KCNQ3: variants seen among roughly 807,000 people sequenced by gnomAD.
KCNQ3 encodes potassium voltage-gated channel subfamily Q member 3.
A neutral mutation model predicts 92.5 loss-of-function variants in KCNQ3; 30 were observed. The ratio of observed to expected loss-of-function variants is 0.32; its 90% CI spans 0.24 to 0.44. The LOEUF (loss-of-function observed/expected upper bound fraction) is 0.44, where lower values mean the gene tolerates loss of function less well. Among genes scored for constraint, KCNQ3 ranks in the 20% least tolerant of loss-of-function variants. KCNQ3 has a pLI of 1.00. For missense variants in KCNQ3, 913 were observed against 1,140.3 expected (o/e 0.80, Z 2.87); for synonymous variants, 450 against 468.8 (o/e 0.96, Z 0.52).
At chr8:132,132,113 A>T in intron 14 of KCNQ3, 67 bp downstream of exon 14, 1 of 1,109,196 alleles carries the variant, frequency 9.0e-7, no homozygotes, top group Non-Finnish European at 1.4e-6. Flanking sequence ...AGAAAGAAAA[A>T]AAAGAAATGG....
At chr8:132,130,084 G>GTT (rs368892862) in intron 14 of KCNQ3, 88 bp from the exon 15 acceptor site, 60,942 of 1,118,124 alleles carry the variant, frequency 0.055, 77 homozygotes, top group Admixed American at 0.089. Context: ...CTTTTTTTTT[G>GTT]TTTTTTTTTT....
intron 9 of KCNQ3, among the ~76,000 whole-genome samples, chr8:132,144,790 T>C (rs890371159): frequency 6.6e-6 from 1 of 152,194 alleles, no homozygotes; most frequent in Admixed American, 6.5e-5. Flanking sequence ...TAAATGACTC[T>C]TACTTTTGCC....
chr8:132,405,268 C>T (rs892634310), intron 1 of KCNQ3, among the ~76,000 whole-genome samples: 3 of 152,182 alleles, frequency 2.0e-5, no homozygotes, highest in Non-Finnish European at 4.4e-5. Flanking sequence ...CATCAGCCCT[C>T]ATGCTGCAAG....
chr8:132,360,152 G>A (rs1438585702), intron 1 of KCNQ3, among the ~76,000 whole-genome samples: 3 of 152,018 alleles, frequency 2.0e-5, no homozygotes, highest in Non-Finnish European at 2.9e-5. Flanking sequence ...GACAACTCTT[G>A]CCACAGCCTG....
chr8:132,303,700 C>T (rs1817322296), intron 1 of KCNQ3, among the ~76,000 whole-genome samples: 1 of 122,172 alleles, frequency 8.2e-6, no homozygotes, highest in African/African-American at 3.2e-5. Context: ...CCACACCACA[C>T]ACACACATAT....
intron 1 of KCNQ3, among the ~76,000 whole-genome samples, chr8:132,476,168 T>C (rs112756134): frequency 0.023 from 3,484 of 152,290 alleles, 52 homozygotes; most frequent in African/African-American, 0.03. Flanking sequence ...AGAGGAGGTA[T>C]GGAAACACCT....
intron 1 of KCNQ3, among the ~76,000 whole-genome samples, chr8:132,337,547 T>A (rs563932619): frequency 1.3e-5 from 2 of 151,844 alleles, no homozygotes; most frequent in Admixed American, 6.6e-5. Context: ...AACTTTAGGG[T>A]CAGCACCCAC....
intron 1 of KCNQ3, among the ~76,000 whole-genome samples, chr8:132,472,840 A>G (rs1822325899): frequency 6.6e-6 from 1 of 152,218 alleles, no homozygotes; most frequent in Non-Finnish European, 1.5e-5. Context: ...ATTGTTACAC[A>G]GTCTACGCAT....
At chr8:132,174,436 C>T in intron 5 of KCNQ3, 87 bp from the exon 6 acceptor site, 1 of 1,026,522 alleles carries the variant, frequency 9.7e-7, no homozygotes, top group Non-Finnish European at 1.5e-6. Flanking sequence ...TAAGCCTCTC[C>T]ATCAGCTTGG....
Position 132,129,358 on chromosome 8 carries a change from G to T in KCNQ3, c.2523C>A (p.Asp841Glu). The change falls in exon 15 of 15, where the codon GAC becomes GAA. Residue 841 changes from aspartate (D) to glutamate (E), a missense_variant. This residue lies in a region of KCNQ3 where 375 missense variants were observed against 376.4 expected (regional missense o/e 1.00). Coordinates refer to ENST00000388996, the MANE Select transcript of KCNQ3 (RefSeq NM_004519.4). The surrounding 1 kb of genome is among the most constrained non-coding windows in gnomAD (Gnocchi z 5.9). ...RYLAEGETDT[D>E]TDPFTPSGSM... ...AGCCGCTGGGCGTGAAGGGGTCCGT[G>T]TCTGTGTCCGTCTCACCCTCGGCGA... The T allele has an allele frequency of 6.2e-7, 1 of 1,614,242 alleles. No individual in the cohort carries two copies. The highest frequency in any genetic ancestry group is 1.7e-5 in the Admixed American group (1 of 60,036).
intron 1 of KCNQ3, among the ~76,000 whole-genome samples, chr8:132,190,555 GATTACCAGC>G (rs1827126155): frequency 6.6e-6 from 1 of 152,192 alleles, no homozygotes; most frequent in African/African-American, 2.4e-5. Context: ...GCCACTGGCT[GATTACCAGC>G]ATGAGAGTGG....
intron 1 of KCNQ3, among the ~76,000 whole-genome samples, chr8:132,402,370 C>T (rs1451017433): frequency 1.3e-5 from 2 of 152,146 alleles, no homozygotes; most frequent in Admixed American, 6.5e-5. Context: ...ATTCATTCTC[C>T]CAGTTCTCTT....
chr8:132,363,734 C>T (rs1819236460), intron 1 of KCNQ3, among the ~76,000 whole-genome samples: 1 of 151,762 alleles, frequency 6.6e-6, no homozygotes, highest in Admixed American at 6.6e-5. Flanking sequence ...ACGTCATTCA[C>T]TCTTGTTTTT....
intron 1 of KCNQ3, among the ~76,000 whole-genome samples, chr8:132,457,567 C>A (rs1177652151): frequency 6.6e-6 from 1 of 152,142 alleles, no homozygotes; most frequent in African/African-American, 2.4e-5. Flanking sequence ...TCTGCCTTCA[C>A]CCCTAACCCA....
intron 1 of KCNQ3, among the ~76,000 whole-genome samples, chr8:132,283,121 T>TGTGTGGTGTGTGTGTGTGTGTGTG: frequency 7.9e-6 from 1 of 127,266 alleles, no homozygotes; most frequent in African/African-American, 3.6e-5. Flanking sequence ...GTGTGTGTGT[T>TGTGTGGTGTGTGTGTGTGTGTGTG]TGGTGGAAGA....
intron 1 of KCNQ3, among the ~76,000 whole-genome samples, chr8:132,300,998 A>G (rs1015838453): frequency 6.6e-6 from 1 of 152,186 alleles, no homozygotes; most frequent in South Asian, 2.1e-4. Context: ...CCAATGAAGA[A>G]AGAGAATATC....
intron 1 of KCNQ3, among the ~76,000 whole-genome samples, chr8:132,221,796 A>C (rs1022912983): frequency 5.9e-5 from 9 of 152,200 alleles, no homozygotes; most frequent in Admixed American, 2.6e-4. Flanking sequence ...GACAAACCTG[A>C]CAAAAACAAG....
intron 1 of KCNQ3, among the ~76,000 whole-genome samples, chr8:132,216,139 G>GA (rs1214104171): frequency 6.6e-6 from 1 of 151,976 alleles, no homozygotes; most frequent in African/African-American, 2.4e-5. Context: ...CCTAGAGAAA[G>GA]AAAAAATGGA....
At chr8:132,453,859 T>G (rs72721085) in intron 1 of KCNQ3, among the ~76,000 whole-genome samples, 2,933 of 152,272 alleles carry the variant, frequency 0.019, 33 homozygotes, top group Non-Finnish European at 0.028. Flanking sequence ...AGCAAGCGCC[T>G]GCCAGAAGCG....
Sources: allele counts gnomAD v4.1 joint callset (sites outside exome capture counted in the v4.1 genomes callset), GRCh38; gene constraint gnomAD v4.1.1; regional missense constraint gnomAD v4.1.1; non-coding constraint Gnocchi (gnomAD v3.1); transcripts MANE v1.5; gene names NCBI Gene and HGNC (gene_info 2026-07-23, HGNC 2026-07-21).